The following LGALS8 variants were observed in gnomAD, a reference collection of about 807,000 sequenced individuals.
The protein encoded by LGALS8 is galectin-8.
In LGALS8, 30 loss-of-function variants were observed where a neutral mutation model predicts 35.9. The ratio of observed to expected loss-of-function variants is 0.83; its 90% CI spans 0.62 to 1.13. The LOEUF (loss-of-function observed/expected upper bound fraction) is 1.13, where lower values mean the gene tolerates loss of function less well. Ranked by LOEUF, LGALS8 falls within the 50% of genes most tolerant of loss-of-function variation. The pLI, the probability that LGALS8 is intolerant of heterozygous loss-of-function variation, is 0.00. For missense variants in LGALS8, 366 were observed against 388.7 expected, an observed-to-expected ratio of 0.94 and a Z score of 0.49; for synonymous variants, 138 against 136.1, an observed-to-expected ratio of 1.01 and a Z score of -0.10.
chr1:236,532,093 A>G (rs566544063), intron 2 of LGALS8, among the ~76,000 whole-genome samples: 6 of 152,170 alleles, frequency 3.9e-5, no homozygotes, highest in Non-Finnish European at 8.8e-5. Flanking sequence ...ACCCTCACAC[A>G]TATCAAAAAA....
chr1:236,547,784 C>T lies in LGALS8; in HGVS notation c.805-228C>T, dbSNP rs552551623. Among the ~76,000 whole-genome samples the T allele has an allele frequency of 3.9e-5, 6 of 152,276 alleles. No homozygotes were observed. In the East Asian group the frequency reaches 7.7e-4, roughly 20 times the overall value. The stretch of plus-strand genomic sequence containing the variant: ...CGCAGGCCCTGGGGATGGTGTGAGG[C>T]TCCAAACATGTCCGAGTCACTTCCC... On this transcript the variant is annotated intron_variant, in intron 9 of 9. Transcript: ENST00000366584.
chr1:236,527,554 A>G (rs971966238), intron 2 of LGALS8, among the ~76,000 whole-genome samples: 3 of 152,118 alleles, frequency 2.0e-5, no homozygotes, highest in Admixed American at 2.0e-4. Context: ...CGGAAAGGTT[A>G]GAGGTAGACT....
At chr1:236,520,679 C>T (rs186520257), upstream of LGALS8, among the ~76,000 whole-genome samples, 7 of 152,258 alleles carry the variant, frequency 4.6e-5, no homozygotes, top group East Asian at 1.4e-3. Context: ...AGCAAATTCC[C>T]CTGGTTGTCC....
In LGALS8 at chr1:236,540,561, T is replaced by C. The variant is rs770225245; in HGVS notation, c.346-3T>C. On this transcript the variant is annotated splice_region_variant and splice_polypyrimidine_tract_variant and intron_variant, in intron 4 of 9. Coordinates refer to ENST00000366584, the MANE Select transcript of LGALS8 (RefSeq NM_201544.4). ...GGGGGCTCTGTCTTCTGTATCTCTCTAGGTGGCTGTAAATGGAAAACATAC... is the reference window on the plus strand; with the variant it reads ...GGGGGCTCTGTCTTCTGTATCTCTCCAGGTGGCTGTAAATGGAAAACATAC... 1 of 1,599,320 alleles carries C rather than the reference T, an allele frequency of 6.3e-7. No individual in the cohort carries two copies. The highest frequency in any genetic ancestry group is 8.5e-7 in the Non-Finnish European group (1 of 1,173,390).
chr1:236,539,571 T>C lies in LGALS8; in HGVS notation c.345+482T>C, dbSNP rs563520942. Among the ~76,000 whole-genome samples, 38 of 152,158 alleles carry C rather than the reference T, an allele frequency of 2.5e-4. 2 individuals are homozygous for C. The highest frequency in any genetic ancestry group is 8.9e-4 in the African/African-American group (37 of 41,496). On this transcript the variant is annotated intron_variant, in intron 4 of 9. Transcript: ENST00000366584. The stretch of plus-strand genomic sequence containing the variant: ...GATGTCAGTTCCATCTCTGGCTTCA[T>C]GGAGTGTCTTGTACCTAGCGTGTAT...
intron 1 of LGALS8, 73 bp from the exon 2 acceptor site, chr1:236,525,889 TAATTTA>T: frequency 4.2e-6 from 2 of 480,166 alleles, no homozygotes. Flanking sequence ...ACATAATATA[TAATTTA>T]AATTTTAAAA....
At chr1:236,532,990 T>C (rs1266066431) in intron 2 of LGALS8, among the ~76,000 whole-genome samples, 1 of 152,236 alleles carries the variant, frequency 6.6e-6, no homozygotes, top group Non-Finnish European at 1.5e-5. Flanking sequence ...CTGGAATGTG[T>C]CCTTATCGTT....
rs371919007 is a variant in LGALS8 at position 236,551,147 on chromosome 1, G to A, written c.*2986G>A. The A allele has an allele frequency of 8.4e-5, 50 of 597,332 alleles. No homozygotes were observed. The highest frequency in any genetic ancestry group is 5.2e-4 in the African/African-American group (28 of 53,412). The allele number at this position is 597,332 out of a possible 1,614,324, so 37.0% of individuals were successfully genotyped here. ...AACAAAGCAGGAGGCGCCACGGACCGCCTCCCTCCACACCGCTCCTTCCGC... is the reference window on the plus strand; with the variant it reads ...AACAAAGCAGGAGGCGCCACGGACCACCTCCCTCCACACCGCTCCTTCCGC... On this transcript the variant is annotated 3_prime_UTR_variant, in exon 10 of 10. Transcript: ENST00000366584.
intron 1 of LGALS8, chr1:236,524,560 A>C: frequency 2.6e-6 from 1 of 387,756 alleles, no homozygotes; most frequent in South Asian, 1.8e-5. Flanking sequence ...AGTGTTAAAC[A>C]TTGCAAAGCG....
At chr1:236,524,407 C>T (rs866534960) in intron 1 of LGALS8, 24 of 456,654 alleles carry the variant, frequency 5.3e-5, no homozygotes, top group African/African-American at 4.6e-4. Context: ...CACCTGTTCC[C>T]TCCTAGCCTG....
rs947163953 is a variant in LGALS8 at position 236,548,517 on chromosome 1, G to C, written c.*356G>C. 7.6e-6 allele frequency: 2 copies of C among 262,328 alleles called. No individual in the cohort carries two copies. The allele number at this position is 262,328 out of a possible 1,614,324, so 16.3% of individuals were successfully genotyped here. ...TTTTTGGTAAAACTGTGAAGAGCTA[G>C]GATATATACTTGGTGAAACAAACCA... On this transcript the variant is annotated 3_prime_UTR_variant, in exon 10 of 10. Transcript: ENST00000366584.
At chr1:236,540,440 T>G in intron 4 of LGALS8, 124 bp from the exon 5 acceptor site, 2 of 1,139,856 alleles carry the variant, frequency 1.8e-6, no homozygotes, top group Non-Finnish European at 2.4e-6. Flanking sequence ...GTCATGTGTG[T>G]GGAGACCTGT....
chr1:236,532,396 A>G (rs538323266), intron 2 of LGALS8, among the ~76,000 whole-genome samples: 2 of 152,158 alleles, frequency 1.3e-5, no homozygotes, highest in Non-Finnish European at 2.9e-5. Context: ...TATCTTTACA[A>G]ATGATCTTTA....
rs1661613959 is a variant in LGALS8, at chr1:236,537,479, T to C, written c.46-18T>C. 1 of 1,491,842 alleles carries C rather than the reference T, an allele frequency of 6.7e-7. No individual in the cohort carries two copies. The highest frequency in any genetic ancestry group is 9.4e-7 in the Non-Finnish European group (1 of 1,066,672). The allele number at this position is 1,491,842 out of a possible 1,614,324, so 92.4% of individuals were successfully genotyped here. A position where few individuals can be genotyped will look rare whatever the true frequency, so the allele number is the denominator to read the frequency against. On this transcript the variant is annotated intron_variant, in intron 2 of 9. Transcript: ENST00000366584. ...TTTTGTTTATGTAAACGTACATTTG[T>C]TAAATTTTTTTTCTTAGGTAATCCC...
intron 2 of LGALS8, among the ~76,000 whole-genome samples, chr1:236,527,159 G>A (rs553593594): frequency 9.5e-4 from 145 of 152,206 alleles, no homozygotes; most frequent in East Asian, 2.5e-3. Context: ...GCCTGCCACG[G>A]GTGTCTGAAG....
chr1:236,537,008 A>T (rs2385255), intron 2 of LGALS8, among the ~76,000 whole-genome samples: 11 of 145,108 alleles, frequency 7.6e-5, no homozygotes, highest in Non-Finnish European at 1.7e-4. Context: ...CCTGGCCATG[A>T]GGTATGCAGT....
intron 2 of LGALS8, 95 bp from the exon 3 acceptor site, chr1:236,537,402 G>GT (rs1558161530): frequency 2.6e-6 from 2 of 761,892 alleles, no homozygotes; most frequent in Admixed American, 2.1e-5. Flanking sequence ...CTTAAAAAGT[G>GT]TAGTTTTTCT....
chr1:236,530,866 G>A (rs1454520237), intron 2 of LGALS8, among the ~76,000 whole-genome samples: 1 of 152,188 alleles, frequency 6.6e-6, no homozygotes, highest in African/African-American at 2.4e-5. Flanking sequence ...AGTGAAACAT[G>A]CATTTTCCTT....
chr1:236,524,242 T>C (rs771351577), intron 1 of LGALS8, 181 bp downstream of exon 1: 2 of 455,974 alleles, frequency 4.4e-6, no homozygotes, highest in South Asian at 1.5e-5. Flanking sequence ...GAGCCGGGGC[T>C]GGGTGGCGGG....
Sources: gnomAD v4.1 joint callset for allele counts (sites outside exome capture counted in the v4.1 genomes callset) on GRCh38, gnomAD v4.1.1 for gene constraint, MANE v1.5 for transcripts, NCBI Gene and HGNC (gene_info 2026-07-23, HGNC 2026-07-21) for gene names.